The following HSD17B12 variants were observed in gnomAD, a reference collection of about 807,000 sequenced individuals.
The protein encoded by HSD17B12 is very-long-chain 3-oxoacyl-CoA reductase.
HSD17B12 carries 32 observed loss-of-function variants against 39.3 expected under a neutral mutation model. The ratio of observed to expected loss-of-function variants is 0.81; its 90% CI spans 0.61 to 1.09. HSD17B12 has a LOEUF of 1.09. Ranked by LOEUF, HSD17B12 falls within the 50% of genes least tolerant of loss-of-function variation. The pLI is 0.00. For missense variants in HSD17B12, 342 were observed against 382.9 expected (o/e 0.89, Z 0.89); for synonymous variants, 150 against 146.7 (o/e 1.02, Z -0.16).
the HSD17B12 span, among the ~76,000 whole-genome samples, chr11:43,664,616 T>G: frequency 6.6e-6 from 1 of 152,220 alleles, no homozygotes; most frequent in Non-Finnish European, 1.5e-5. Flanking sequence ...ACTCCTACCT[T>G]CTTGCTTATG....
chr11:43,806,434 C>T (rs1951018667), intron 4 of HSD17B12: 2 of 152,086 alleles, frequency 1.3e-5, no homozygotes, highest in Non-Finnish European at 1.5e-5. Flanking sequence ...ATGGAATCAG[C>T]CTAACAGTCT....
intron 6 of HSD17B12, among the ~76,000 whole-genome samples, chr11:43,816,715 T>C (rs1272825106): frequency 6.6e-6 from 1 of 151,998 alleles, no homozygotes; most frequent in Non-Finnish European, 1.5e-5. Flanking sequence ...GGTGCACCCA[T>C]CACTCAAGCA....
chr11:43,611,969 C>T, the HSD17B12 span, among the ~76,000 whole-genome samples: 1 of 152,174 alleles, frequency 6.6e-6, no homozygotes, highest in Admixed American at 6.5e-5. Context: ...AGTAGGTTCT[C>T]AGCAAGTAGT....
chr11:43,768,472 T>C (rs893769265), intron 3 of HSD17B12, among the ~76,000 whole-genome samples: 2 of 152,142 alleles, frequency 1.3e-5, no homozygotes, highest in African/African-American at 2.4e-5. Context: ...TGGTTCCTTC[T>C]GGTGGGTTCT....
intron 9 of HSD17B12, among the ~76,000 whole-genome samples, chr11:43,847,430 C>T (rs1590347845): frequency 6.6e-6 from 1 of 152,288 alleles, no homozygotes; most frequent in East Asian, 1.9e-4. Context: ...GGGCGCCATG[C>T]ACGGTGGCTC....
At chr11:43,612,666 A>T in the HSD17B12 span, among the ~76,000 whole-genome samples, 1 of 152,204 alleles carries the variant, frequency 6.6e-6, no homozygotes, top group Non-Finnish European at 1.5e-5. Flanking sequence ...TCGGCCTCCC[A>T]AAGTGCTGAG....
At chr11:43,739,353 AAC>A (rs1005204485) in intron 1 of HSD17B12, among the ~76,000 whole-genome samples, 9 of 152,198 alleles carry the variant, frequency 5.9e-5, no homozygotes, top group African/African-American at 1.9e-4. Flanking sequence ...ATGGGAGGGA[AAC>A]ACAGCTAGAA....
chr11:43,675,200 A>G, the HSD17B12 span, among the ~76,000 whole-genome samples: 1 of 152,226 alleles, frequency 6.6e-6, no homozygotes. Context: ...TGAAAGCATT[A>G]TGTTCTGTAA....
At chr11:43,627,077 A>G in the HSD17B12 span, among the ~76,000 whole-genome samples, 1 of 151,972 alleles carries the variant, frequency 6.6e-6, no homozygotes, top group Non-Finnish European at 1.5e-5. Flanking sequence ...AGCCCTTTTC[A>G]TTTTTTAAAA....
chr11:43,832,322 C>G (rs1951319360), intron 7 of HSD17B12, among the ~76,000 whole-genome samples: 1 of 152,008 alleles, frequency 6.6e-6, no homozygotes, highest in African/African-American at 2.4e-5. Context: ...GTAAATCTAT[C>G]CATTAAAAAA....
At chr11:43,663,035 T>C in the HSD17B12 span, among the ~76,000 whole-genome samples, 1 of 152,104 alleles carries the variant, frequency 6.6e-6, no homozygotes, top group Non-Finnish European at 1.5e-5. Context: ...ATTAAAGTAA[T>C]TAGATTTAAA....
the HSD17B12 span, among the ~76,000 whole-genome samples, chr11:43,619,903 G>T: frequency 6.6e-6 from 1 of 152,168 alleles, no homozygotes; most frequent in Non-Finnish European, 1.5e-5. Context: ...AAACCTTGCT[G>T]CATTTTTCCT....
intron 1 of HSD17B12, chr11:43,734,051 C>T (rs1330837294): frequency 1.3e-5 from 11 of 828,338 alleles, no homozygotes; most frequent in African/African-American, 6.6e-5. Context: ...TCCGGCCTAT[C>T]GCTAGCCAAC....
chr11:43,810,398 TATATAA>T (rs200494775), intron 4 of HSD17B12, among the ~76,000 whole-genome samples: 14,030 of 87,790 alleles, frequency 0.16, 857 homozygotes, highest in Middle Eastern at 0.27. Context: ...TATATATATA[TATATAA>T]AATTCAGAAT....
chr11:43,804,718 G>A (rs1951002451), intron 4 of HSD17B12, among the ~76,000 whole-genome samples: 4 of 152,126 alleles, frequency 2.6e-5, no homozygotes, highest in Admixed American at 2.6e-4. Flanking sequence ...GTGTTTCCCA[G>A]AAGGTTCTAG....
Position 43,787,507 on chromosome 11 carries a change from C to T in HSD17B12, c.284-10813C>T, listed in dbSNP as rs373687549. On this transcript the variant is annotated intron_variant, in intron 3 of 10. Coordinates refer to ENST00000278353, the MANE Select transcript of HSD17B12 (RefSeq NM_016142.3). ...ATCCCAACACTGTGGGAGGCCGAAG[C>T]GGGTAGATCACCTGAGGTCAGGAGA... Among the ~76,000 whole-genome samples, 122 of 152,004 alleles carry T rather than the reference C, an allele frequency of 8.0e-4. 2 individuals carry two copies. The South Asian group carries it at 0.023, about 29-fold the overall frequency.
At chr11:43,750,154 A>T (rs1040439616) in intron 1 of HSD17B12, among the ~76,000 whole-genome samples, 2 of 151,844 alleles carry the variant, frequency 1.3e-5, no homozygotes, top group African/African-American at 4.8e-5. Flanking sequence ...ATCTACACAC[A>T]CACAGTAGTA....
the HSD17B12 span, among the ~76,000 whole-genome samples, chr11:43,558,901 A>G: frequency 6.6e-6 from 1 of 152,152 alleles, no homozygotes; most frequent in Non-Finnish European, 1.5e-5. Flanking sequence ...AATAACCAAA[A>G]GGCAAGGAGT....
chr11:43,695,179 A>G (rs1371616042), intron 1 of HSD17B12, among the ~76,000 whole-genome samples: 1 of 152,014 alleles, frequency 6.6e-6, no homozygotes, highest in African/African-American at 2.4e-5. Flanking sequence ...GCCCTAGAAA[A>G]AACAGTGGAT....
Sources: gnomAD v4.1 joint callset for allele counts (sites outside exome capture counted in the v4.1 genomes callset) on GRCh38, gnomAD v4.1.1 for gene constraint, MANE v1.5 for transcripts, NCBI Gene and HGNC (gene_info 2026-07-23, HGNC 2026-07-21) for gene names.